Variants in ATP2C2 observed in about 807,000 individuals in gnomAD.
The protein encoded by ATP2C2 is calcium-transporting ATPase type 2C member 2.
ATP2C2 carries 171 observed loss-of-function variants against 110.8 expected under a neutral mutation model. The ratio of observed to expected loss-of-function variants is 1.54; its 90% CI spans 1.36 to 1.75. The LOEUF is 1.75. ATP2C2 is among the 40% of genes most tolerant of loss of function. ATP2C2 has a pLI of 0.00. For missense variants in ATP2C2, 1,963 were observed against 1,235.0 expected (o/e 1.59, Z -8.84); for synonymous variants, 804 against 508.4 (o/e 1.58, Z -7.82).
rs1052460523 is a variant in ATP2C2 at position 84,448,537 on chromosome 16, A to C, written c.1508A>C (p.Gln503Pro). ...AVKCSLKTED[Q>P]EDIYFMKGAL... ...CTTCCCTTTGTCTTTTCTAAGGATC[A>C]GGAAGACATTTACTTCATGAAAGGG... Residue 503 changes from glutamine to proline, a missense_variant, in exon 17 of 27, where the codon CAG becomes CCG. Transcript: ENST00000262429. 2 of 1,610,580 alleles carry C rather than the reference A, an allele frequency of 1.2e-6. No homozygotes were observed. The highest frequency in any genetic ancestry group is 8.5e-7 in the Non-Finnish European group (1 of 1,177,662).
chr16:84,395,702 G>A (rs1415349315), intron 1 of ATP2C2, among the ~76,000 whole-genome samples: 1 of 151,406 alleles, frequency 6.6e-6, no homozygotes, highest in Non-Finnish European at 1.5e-5. Context: ...AAAATACCAT[G>A]TTGGCCAGGC....
chr16:84,460,910 T>G, intron 24 of ATP2C2, 109 bp downstream of exon 24: 2 of 1,398,448 alleles, frequency 1.4e-6, no homozygotes, highest in Non-Finnish European at 1.9e-6. Flanking sequence ...GAGGCAAACA[T>G]GTACACACAC....
chr16:84,451,913 C>G lies in ATP2C2; in HGVS notation c.1661-8C>G, dbSNP rs751707950. 1.9e-6 allele frequency: 3 copies of G among 1,611,008 alleles called. No individual in the cohort carries two copies. The highest frequency in any genetic ancestry group is 1.7e-5 in the Admixed American group (1 of 58,860). The stretch of plus-strand genomic sequence containing the variant: ...GGTGACCCCTCCTTACTCCCCCTCT[C>G]TCCTCAGTGCTGGCCCTGGCTTCTG... On this transcript the variant is annotated splice_polypyrimidine_tract_variant and splice_region_variant and intron_variant, in intron 17 of 26. Transcript: ENST00000262429.
At chr16:84,440,131 C>T (rs951470487) in intron 13 of ATP2C2, among the ~76,000 whole-genome samples, 11 of 152,252 alleles carry the variant, frequency 7.2e-5, no homozygotes, top group African/African-American at 2.7e-4. Context: ...AGCCACCACG[C>T]CCAGCCTGTT....
intron 1 of ATP2C2, among the ~76,000 whole-genome samples, chr16:84,385,610 A>G (rs1025692837): frequency 1.3e-5 from 2 of 152,242 alleles, no homozygotes; most frequent in Non-Finnish European, 2.9e-5. Flanking sequence ...TCTGAGACTG[A>G]GTAATTTACA....
At chr16:84,459,505 G>C in intron 23 of ATP2C2, 119 bp downstream of exon 23, 2 of 1,572,318 alleles carry the variant, frequency 1.3e-6, no homozygotes, top group Non-Finnish European at 1.7e-6. Flanking sequence ...CTTTCCATCA[G>C]GAGTTCCCAG....
At chr16:84,451,258 A>G (rs1485461307) in intron 17 of ATP2C2, among the ~76,000 whole-genome samples, 1 of 152,088 alleles carries the variant, frequency 6.6e-6, no homozygotes. Context: ...TGTGGGGAAA[A>G]CCACCCCATG....
At chr16:84,416,938 G>T (rs1359747637) in intron 7 of ATP2C2, among the ~76,000 whole-genome samples, 1 of 151,954 alleles carries the variant, frequency 6.6e-6, no homozygotes, top group African/African-American at 2.4e-5. Context: ...AACAGGGGAT[G>T]CTCCAGATGC....
chr16:84,440,814 T>A (rs1200283863), intron 13 of ATP2C2, 43 bp from the exon 14 acceptor site: 1 of 1,513,828 alleles, frequency 6.6e-7, no homozygotes, highest in Non-Finnish European at 9.1e-7. Context: ...GGGAGCATGT[T>A]TTTGACTCTT....
intron 2 of ATP2C2, among the ~76,000 whole-genome samples, chr16:84,398,950 A>G (rs1465573627): frequency 6.6e-6 from 1 of 152,250 alleles, no homozygotes; most frequent in Non-Finnish European, 1.5e-5. Flanking sequence ...TGTTAGAGGT[A>G]GCACAGCCCA....
intron 18 of ATP2C2, 83 bp from the exon 19 acceptor site, chr16:84,453,055 T>C (rs899688985): frequency 1.5e-6 from 2 of 1,376,956 alleles, no homozygotes; most frequent in Non-Finnish European, 2.0e-6. Flanking sequence ...ATTCTTGGTG[T>C]TCCCCATGGC....
At chr16:84,391,163 G>A (rs1031173273) in intron 1 of ATP2C2, among the ~76,000 whole-genome samples, 1 of 150,646 alleles carries the variant, frequency 6.6e-6, no homozygotes, top group Non-Finnish European at 1.5e-5. Context: ...GTTTGGTTCT[G>A]CCTAAATCAC....
intron 1 of ATP2C2, among the ~76,000 whole-genome samples, chr16:84,376,749 G>T (rs915980818): frequency 6.6e-6 from 1 of 152,102 alleles, no homozygotes; most frequent in Admixed American, 6.5e-5. Context: ...CATCCCATGG[G>T]GCTAAATTTC....
chr16:84,385,325 G>A (rs1184809705), intron 1 of ATP2C2, among the ~76,000 whole-genome samples: 1 of 152,098 alleles, frequency 6.6e-6, no homozygotes, highest in African/African-American at 2.4e-5. Flanking sequence ...AGTACTAAGG[G>A]GATAGTGCTC....
At chr16:84,385,249 G>C (rs572305445) in intron 1 of ATP2C2, among the ~76,000 whole-genome samples, 1 of 152,112 alleles carries the variant, frequency 6.6e-6, no homozygotes, top group Non-Finnish European at 1.5e-5. Context: ...GCAAGAGAGA[G>C]AGCAGGGGAC....
Position 84,368,724 on chromosome 16 carries a change from C to T in ATP2C2, c.99+10C>T, listed in dbSNP as rs938425709. 4 of 1,510,298 alleles carry T rather than the reference C, an allele frequency of 2.6e-6. No individual in the cohort carries two copies. Among genetic ancestry groups the T allele is most frequent in the South Asian group, 1.2e-5 (1 of 81,288 alleles). The allele number at this position is 1,510,298 out of a possible 1,614,324, so 93.6% of individuals were successfully genotyped here. A position where few individuals can be genotyped will look rare whatever the true frequency, so the allele number is the denominator to read the frequency against. ...CGAAGAGGAAGCCTTGGTGAGTCCCCGCGACTCCGCGCCGGGCGTGCGACC... is the reference window on the plus strand; with the variant it reads ...CGAAGAGGAAGCCTTGGTGAGTCCCTGCGACTCCGCGCCGGGCGTGCGACC... On this transcript the variant is annotated intron_variant, in intron 1 of 26. Coordinates refer to ENST00000262429, the MANE Select transcript of ATP2C2 (RefSeq NM_014861.4).
At chr16:84,459,620 G>C (rs569427406) in intron 23 of ATP2C2, 5 of 1,523,164 alleles carry the variant, frequency 3.3e-6, no homozygotes, top group East Asian at 4.9e-5. Context: ...TGCTCCCTCT[G>C]CCTGGATGCT....
intron 11 of ATP2C2, 107 bp downstream of exon 11, chr16:84,425,908 G>T: frequency 7.3e-7 from 1 of 1,367,536 alleles, no homozygotes. Context: ...GAAGGGTTGG[G>T]AAGGTGCAGC....
chr16:84,425,460 G>C (rs1390745845), intron 10 of ATP2C2, among the ~76,000 whole-genome samples: 1 of 152,200 alleles, frequency 6.6e-6, no homozygotes, highest in African/African-American at 2.4e-5. Context: ...TTGGGAATAA[G>C]ATGTAAATGC....
Sources: gnomAD v4.1 joint callset for allele counts (sites outside exome capture counted in the v4.1 genomes callset) on GRCh38, gnomAD v4.1.1 for gene constraint, MANE v1.5 for transcripts, NCBI Gene and HGNC (gene_info 2026-07-23, HGNC 2026-07-21) for gene names.